Variants in DLGAP1 observed in about 807,000 individuals in gnomAD.
DLGAP1 encodes the protein DLG associated protein 1, also known as disks large-associated protein 1.
DLGAP1 carries 11 observed loss-of-function variants against 90.8 expected under a neutral mutation model. The ratio of observed to expected loss-of-function variants is 0.12; its 90% confidence interval spans 0.08 to 0.20. The LOEUF (loss-of-function observed/expected upper bound fraction) is 0.20. Among genes scored for constraint, DLGAP1 ranks in the 10% least tolerant of loss-of-function variants. DLGAP1 has a pLI of 1.00. For missense variants in DLGAP1, 1,050 were observed against 1,333.8 expected, an observed-to-expected ratio of 0.79 and a Z score of 3.31; for synonymous variants, 558 against 540.7, an observed-to-expected ratio of 1.03 and a Z score of -0.44.
At chr18:4,430,219 A>T (rs1598408274) in intron 1 of DLGAP1, among the ~76,000 whole-genome samples, 1 of 152,178 alleles carries the variant, frequency 6.6e-6, no homozygotes, top group South Asian at 2.1e-4. Flanking sequence ...TTGAGTTGTT[A>T]TGTCTTCTAT....
chr18:4,132,641 G>A (rs143145437), intron 2 of DLGAP1, among the ~76,000 whole-genome samples: 1 of 152,276 alleles, frequency 6.6e-6, no homozygotes, highest in African/African-American at 2.4e-5. Context: ...TCCTACAAAA[G>A]AAATGGTCTT....
intron 10 of DLGAP1, among the ~76,000 whole-genome samples, chr18:3,529,541 T>C (rs1376545825): frequency 6.6e-6 from 1 of 152,216 alleles, no homozygotes; most frequent in Admixed American, 6.5e-5. Context: ...TTCCAGAATA[T>C]TTCAAGGACT....
chr18:4,134,674 A>C (rs2076371395), intron 2 of DLGAP1, among the ~76,000 whole-genome samples: 1 of 152,136 alleles, frequency 6.6e-6, no homozygotes, highest in Non-Finnish European at 1.5e-5. Context: ...TTCCCAAAGG[A>C]GATTAAAATG....
Position 3,579,665 on chromosome 18 carries a change from A to G in DLGAP1, c.1965+2210T>C, listed in dbSNP as rs779137105. 4.1e-4 allele frequency among the ~76,000 whole-genome samples: 63 copies of G among 152,236 alleles called. 1 individual carries two copies. Among genetic ancestry groups the G allele is most frequent in the Admixed American group, 5.9e-4 (9 of 15,288 alleles). ...GATTTTTCTTCTTTGATAGAAGAACACTTTTAGCAGGGTAACCCAAGCTAA... is the reference window on the plus strand; with the variant it reads ...GATTTTTCTTCTTTGATAGAAGAACGCTTTTAGCAGGGTAACCCAAGCTAA... On this transcript the variant is annotated intron_variant, in intron 8 of 12. Transcript: ENST00000315677.
chr18:4,320,743 C>T (rs1290534218), intron 1 of DLGAP1, among the ~76,000 whole-genome samples: 1 of 150,906 alleles, frequency 6.6e-6, no homozygotes, highest in Non-Finnish European at 1.5e-5. Flanking sequence ...CACACACACA[C>T]ACACACACAC....
intron 1 of DLGAP1, among the ~76,000 whole-genome samples, chr18:4,438,032 T>C (rs1286897229): frequency 6.6e-6 from 1 of 152,166 alleles, no homozygotes; most frequent in Non-Finnish European, 1.5e-5. Context: ...AGGCATTTAT[T>C]CTTTATACTA....
At chr18:3,572,857 C>T (rs1201572178) in intron 8 of DLGAP1, among the ~76,000 whole-genome samples, 1 of 152,154 alleles carries the variant, frequency 6.6e-6, no homozygotes, top group Non-Finnish European at 1.5e-5. Flanking sequence ...CCAAACTTTT[C>T]CCCCTAAAGG....
rs1568277897 is a variant in DLGAP1 at position 3,600,767 on chromosome 18, T to TATATAG, written c.1592-18520_1592-18519insCTATAT. Among the ~76,000 whole-genome samples, 47 of 35,280 alleles carry TATATAG rather than the reference T, an allele frequency of 1.3e-3. 3 individuals carry two copies. The highest frequency in any genetic ancestry group is 6.6e-3 in the African/African-American group (38 of 5,770). 23.1% of individuals were successfully genotyped at this position (35,280 alleles called of 152,430 possible). ...ATATAGATATATATAGATATATAGA[T>TATATAG]ATATATAGATATATAGATATATATA... On this transcript the variant is annotated intron_variant, in intron 7 of 12. Coordinates refer to ENST00000315677, the MANE Select transcript of DLGAP1 (RefSeq NM_004746.4).
At chr18:3,596,161 C>A (rs1215102379) in intron 7 of DLGAP1, among the ~76,000 whole-genome samples, 3 of 151,500 alleles carry the variant, frequency 2.0e-5, no homozygotes, top group Non-Finnish European at 4.4e-5. Flanking sequence ...GAACATTTTT[C>A]TTTTCTTTTT....
At chr18:4,085,785 CCAGT>C (rs1203235713) in intron 2 of DLGAP1, among the ~76,000 whole-genome samples, 1 of 152,160 alleles carries the variant, frequency 6.6e-6, no homozygotes, top group African/African-American at 2.4e-5. Flanking sequence ...ATTATCCGGT[CCAGT>C]CAAACAATCT....
chr18:4,398,611 T>C (rs2082487148), intron 1 of DLGAP1, among the ~76,000 whole-genome samples: 1 of 152,212 alleles, frequency 6.6e-6, no homozygotes, highest in African/African-American at 2.4e-5. Context: ...GAAGGCATTA[T>C]TGCTGCTATG....
At chr18:3,612,465 T>C (rs1222683258) in intron 7 of DLGAP1, among the ~76,000 whole-genome samples, 1 of 152,184 alleles carries the variant, frequency 6.6e-6, no homozygotes, top group African/African-American at 2.4e-5. Flanking sequence ...CCCGTGGCCC[T>C]TGTGAAAGGT....
chr18:4,270,478 C>A (rs1012797642), intron 1 of DLGAP1, among the ~76,000 whole-genome samples: 3 of 151,956 alleles, frequency 2.0e-5, no homozygotes, highest in African/African-American at 7.3e-5. Flanking sequence ...TAACTTTTCA[C>A]GAGAATAATT....
intron 7 of DLGAP1, among the ~76,000 whole-genome samples, chr18:3,644,810 T>C (rs1275274861): frequency 5.9e-5 from 9 of 152,148 alleles, no homozygotes. Context: ...TTGTAATATA[T>C]CCATATAGTA....
At chr18:4,355,342 G>T (rs2081485953) in intron 1 of DLGAP1, among the ~76,000 whole-genome samples, 1 of 152,334 alleles carries the variant, frequency 6.6e-6, no homozygotes, top group East Asian at 1.9e-4. Flanking sequence ...TGTGTTAAAA[G>T]TCAGCCCTTC....
rs765212315 is a variant in DLGAP1 at position 3,879,893 on chromosome 18, C to T, written c.176G>A (p.Gly59Asp). ...QRNSFQAECV[G>D]PFSDPLASST... ...GCTGGCCAGCGGGTCGCTGAAGGGG[C>T]CCACGCACTCAGCCTGGAAGGAGTT... is the stretch of plus-strand genomic sequence containing the variant. Residue 59 changes from glycine to aspartate, a missense_variant, in exon 4 of 13, where the codon GGC becomes GAC. Physicochemically the swap from Gly to Asp is moderately conservative, Grantham distance 94. This residue lies in a region of DLGAP1 where 485 missense variants were observed against 454.1 expected (regional missense o/e 1.07). Coordinates refer to ENST00000315677, the MANE Select transcript of DLGAP1 (RefSeq NM_004746.4). This position sits in a 1 kb window ranked among gnomAD's most constrained non-coding sequence, Gnocchi z 6.6. 3 of 1,611,830 alleles carry T rather than the reference C, an allele frequency of 1.9e-6. No homozygotes were observed. The Admixed American group carries it at 5.0e-5, about 27-fold the overall frequency.
chr18:4,296,477 A>G (rs1489110309), intron 1 of DLGAP1, among the ~76,000 whole-genome samples: 1 of 152,228 alleles, frequency 6.6e-6, no homozygotes. Context: ...TTGCATTCAC[A>G]GTGTTATACC....
intron 1 of DLGAP1, among the ~76,000 whole-genome samples, chr18:4,229,765 C>A (rs751147621): frequency 1.3e-5 from 2 of 152,036 alleles, no homozygotes; most frequent in Middle Eastern, 6.8e-3. Flanking sequence ...ATACCAAAAG[C>A]ACAGGCAACC....
At chr18:3,830,535 C>T (rs1161009642) in intron 4 of DLGAP1, among the ~76,000 whole-genome samples, 1 of 152,192 alleles carries the variant, frequency 6.6e-6, no homozygotes, top group Non-Finnish European at 1.5e-5. Flanking sequence ...CATTGCACTC[C>T]AGCCTGGGAA....
Sources: allele counts gnomAD v4.1 joint callset (sites outside exome capture counted in the v4.1 genomes callset), GRCh38; gene constraint gnomAD v4.1.1; regional missense constraint gnomAD v4.1.1; non-coding constraint Gnocchi (gnomAD v3.1); transcripts MANE v1.5; gene names NCBI Gene and HGNC (gene_info 2026-07-23, HGNC 2026-07-21).